PTPRZ1: variants seen among roughly 807,000 people sequenced by gnomAD.
The protein encoded by PTPRZ1 is protein tyrosine phosphatase receptor type Z1.
In PTPRZ1, 82 loss-of-function variants were observed where a neutral mutation model predicts 214.1. The observed-to-expected ratio is 0.38, with a 90% CI of 0.32 to 0.46. The LOEUF (loss-of-function observed/expected upper bound fraction) is 0.46, where lower values mean the gene tolerates loss of function less well. PTPRZ1 is among the 20% of genes least tolerant of loss of function. The pLI is 1.00. For missense variants in PTPRZ1, 2,603 were observed against 2,748.7 expected (o/e 0.95, Z 1.19); for synonymous variants, 945 against 987.9 (o/e 0.96, Z 0.81).
intron 2 of PTPRZ1, among the ~76,000 whole-genome samples, chr7:121,937,088 G>C (rs985479418): frequency 2.6e-5 from 4 of 152,192 alleles, no homozygotes; most frequent in African/African-American, 9.7e-5. Context: ...GACTGTTATA[G>C]AGCTTCTAAC....
chr7:121,990,250 G>A (rs1449050333), intron 8 of PTPRZ1, among the ~76,000 whole-genome samples: 5 of 151,888 alleles, frequency 3.3e-5, no homozygotes, highest in South Asian at 4.2e-4. Flanking sequence ...ATAAATAATC[G>A]CAAAAACCAT....
chr7:122,026,780 T>C (rs925382231), intron 13 of PTPRZ1, among the ~76,000 whole-genome samples: 1 of 152,226 alleles, frequency 6.6e-6, no homozygotes, highest in South Asian at 2.1e-4. Context: ...AATTTTGCTA[T>C]GTACGTCATT....
At chr7:121,997,688 G>T (rs1798188042) in intron 9 of PTPRZ1, among the ~76,000 whole-genome samples, 192 bp from the exon 10 acceptor site, 1 of 147,096 alleles carries the variant, frequency 6.8e-6, no homozygotes. Flanking sequence ...AAAAAGCCTA[G>T]CTTTCCAGTT....
intron 2 of PTPRZ1, among the ~76,000 whole-genome samples, chr7:121,958,379 C>G (rs1796775224): frequency 6.6e-6 from 1 of 152,156 alleles, no homozygotes; most frequent in South Asian, 2.1e-4. Context: ...ACCATTTTCT[C>G]CTGGGTTTGC....
intron 1 of PTPRZ1, among the ~76,000 whole-genome samples, chr7:121,900,730 G>A (rs922169954): frequency 2.6e-5 from 4 of 152,150 alleles, no homozygotes; most frequent in African/African-American, 7.2e-5. Context: ...CCATAAGGAC[G>A]TACCTGAAGC....
At chr7:122,060,247 G>A (rs1309012083) in intron 29 of PTPRZ1, among the ~76,000 whole-genome samples, 1 of 152,118 alleles carries the variant, frequency 6.6e-6, no homozygotes, top group Non-Finnish European at 1.5e-5. Context: ...TTGGCAGGAG[G>A]TCAAAGTTAT....
At chr7:122,059,919 C>T in intron 29 of PTPRZ1, 31 bp downstream of exon 29, 2 of 1,600,096 alleles carry the variant, frequency 1.2e-6, no homozygotes, top group Non-Finnish European at 1.7e-6. Flanking sequence ...CGAAATTTTT[C>T]ACTGATAGAG....
chr7:121,992,448 A>G (rs1268890320), intron 8 of PTPRZ1, among the ~76,000 whole-genome samples: 1 of 152,158 alleles, frequency 6.6e-6, no homozygotes. Flanking sequence ...ATCCATTCCT[A>G]CGTACTAGGT....
chr7:121,949,163 G>T (rs1229887350), intron 2 of PTPRZ1, among the ~76,000 whole-genome samples: 1 of 152,120 alleles, frequency 6.6e-6, no homozygotes, highest in East Asian at 1.9e-4. Context: ...CAAGGAGGGG[G>T]CTTCTAGGTC....
chr7:121,936,355 C>T (rs1796085601), intron 2 of PTPRZ1, among the ~76,000 whole-genome samples: 1 of 152,264 alleles, frequency 6.6e-6, no homozygotes, highest in East Asian at 1.9e-4. Context: ...TTTCCTTTAT[C>T]CCTTAGGAGG....
intron 8 of PTPRZ1, among the ~76,000 whole-genome samples, chr7:121,989,400 G>A (rs1179977657): frequency 7.2e-6 from 1 of 138,850 alleles, no homozygotes; most frequent in Non-Finnish European, 1.5e-5. Flanking sequence ...TTGAGTTGGA[G>A]TTTCACTCTT....
At chr7:121,929,412 A>G in intron 2 of PTPRZ1, among the ~76,000 whole-genome samples, 1 of 151,938 alleles carries the variant, frequency 6.6e-6, no homozygotes, top group East Asian at 1.9e-4. Flanking sequence ...TTAAGCTTCT[A>G]TAAGCAATGA....
intron 8 of PTPRZ1, among the ~76,000 whole-genome samples, chr7:121,985,758 A>G (rs1243192303): frequency 6.6e-6 from 1 of 152,174 alleles, no homozygotes; most frequent in Non-Finnish European, 1.5e-5. Flanking sequence ...CACCATACCC[A>G]TAGATGGTAA....
intron 15 of PTPRZ1, chr7:122,032,051 A>C (rs1041621030): frequency 1.3e-5 from 2 of 152,120 alleles, no homozygotes; most frequent in African/African-American, 4.8e-5. Flanking sequence ...TCTAAAAAAA[A>C]TTTGAACTTC....
At chr7:122,058,342 A>T (rs1471568106) in intron 27 of PTPRZ1, among the ~76,000 whole-genome samples, 2 of 152,048 alleles carry the variant, frequency 1.3e-5, no homozygotes, top group African/African-American at 2.4e-5. Context: ...TTGAACCTAG[A>T]TCTCTACCTC....
intron 4 of PTPRZ1, among the ~76,000 whole-genome samples, chr7:121,973,550 A>G (rs1223324260): frequency 6.6e-6 from 1 of 152,128 alleles, no homozygotes; most frequent in African/African-American, 2.4e-5. Context: ...CAATGCTTCC[A>G]TTTTTCTTCC....
chr7:122,035,600 A>T (rs1363426820), intron 17 of PTPRZ1, among the ~76,000 whole-genome samples: 1 of 152,236 alleles, frequency 6.6e-6, no homozygotes, highest in African/African-American at 2.4e-5. Context: ...CAGAAATTCT[A>T]AAACTATTAA....
At chr7:121,930,294 A>T (rs1422443909) in intron 2 of PTPRZ1, among the ~76,000 whole-genome samples, 1 of 152,182 alleles carries the variant, frequency 6.6e-6, no homozygotes, top group East Asian at 1.9e-4. Context: ...ACTACTTTTG[A>T]TATTTTAAAT....
chr7:121,945,943 G>GA (rs1796359638), intron 2 of PTPRZ1, among the ~76,000 whole-genome samples: 1 of 152,136 alleles, frequency 6.6e-6, no homozygotes, highest in Non-Finnish European at 1.5e-5. Flanking sequence ...TTAAGTACAG[G>GA]AAGTTACCTT....
Sources: allele counts gnomAD v4.1 joint callset (sites outside exome capture counted in the v4.1 genomes callset), GRCh38; gene constraint gnomAD v4.1.1; transcripts MANE v1.5; gene names NCBI Gene and HGNC (gene_info 2026-07-23, HGNC 2026-07-21).